Variants in CELF2 observed in about 807,000 individuals in gnomAD.
CELF2 encodes CUG triplet repeat RNA-binding protein 2.
In CELF2, 8 loss-of-function variants were observed where a neutral mutation model predicts 62.6. The ratio of observed to expected loss-of-function variants is 0.13; its 90% CI spans 0.07 to 0.23. CELF2 has a LOEUF of 0.23. Among genes scored for constraint, CELF2 ranks in the 10% least tolerant of loss-of-function variants. The pLI is 1.00. For missense variants in CELF2, 333 were observed against 671.0 expected (o/e 0.50, Z 5.56); for synonymous variants, 258 against 250.0 (o/e 1.03, Z -0.30).
rs1028776849 is a variant in CELF2 at position 11,285,356 on chromosome 10, C to A, written c.842-3062C>A. 6.6e-6 allele frequency among the ~76,000 whole-genome samples: 1 copy of A among 152,104 alleles called. No individual in the cohort carries two copies. The highest frequency in any genetic ancestry group is 2.1e-4 in the South Asian group (1 of 4,824). ...TGTTGAGCAGTGTTAGCTATGCCCCCGTGTGGTGCCTCAGAGACTCAGCCA... is the reference window on the plus strand; with the variant it reads ...TGTTGAGCAGTGTTAGCTATGCCCCAGTGTGGTGCCTCAGAGACTCAGCCA... On this transcript the variant is annotated intron_variant, in intron 8 of 12. Transcript: ENST00000633077. This position sits in a 1 kb window ranked among gnomAD's most constrained non-coding sequence, Gnocchi z 4.3.
chr10:10,496,300 T>G, the CELF2 span, among the ~76,000 whole-genome samples: 1 of 152,220 alleles, frequency 6.6e-6, no homozygotes, highest in Non-Finnish European at 1.5e-5. Flanking sequence ...CTTTTAGATA[T>G]CTCTCACATT....
chr10:10,876,557 C>T (rs369781061), intron 1 of CELF2, among the ~76,000 whole-genome samples: 1 of 152,230 alleles, frequency 6.6e-6, no homozygotes, highest in Non-Finnish European at 1.5e-5. Context: ...CAAACAGTGC[C>T]GCGTTTTAGG....
chr10:10,464,279 T>C, the CELF2 span, among the ~76,000 whole-genome samples: 1 of 152,178 alleles, frequency 6.6e-6, no homozygotes, highest in Non-Finnish European at 1.5e-5. Context: ...TATCCACCGG[T>C]AACTGTCTAT....
At chr10:11,212,443 G>A (rs547271923) in intron 2 of CELF2, among the ~76,000 whole-genome samples, 72 of 152,352 alleles carry the variant, frequency 4.7e-4, no homozygotes, top group African/African-American at 1.7e-3. Context: ...GATGTTGACA[G>A]TGAACAGCAG....
At chr10:10,709,600 A>C in the CELF2 span, among the ~76,000 whole-genome samples, 7 of 152,150 alleles carry the variant, frequency 4.6e-5, no homozygotes, top group African/African-American at 1.7e-4. Flanking sequence ...TGAGACACAG[A>C]ATTTTTCAAA....
In CELF2 at chr10:11,306,148, C is replaced by T. The variant is rs2094192251; in HGVS notation, c.977-7991C>T. 6.6e-6 allele frequency among the ~76,000 whole-genome samples: 1 copy of T among 152,104 alleles called. No homozygotes were observed. Among genetic ancestry groups the T allele is most frequent in the Non-Finnish European group, 1.5e-5 (1 of 68,028 alleles). ...TGCGAGCAAGGTGAGGTGCACTTTG[C>T]AGCCTCCGTCTGGGATCCTCTTGGC... is the stretch of plus-strand genomic sequence containing the variant. On this transcript the variant is annotated intron_variant, in intron 9 of 12. Coordinates refer to ENST00000633077, the MANE Select transcript of CELF2 (RefSeq NM_001326342.2). The surrounding 1 kb of genome is among the most constrained non-coding windows in gnomAD (Gnocchi z 4.4).
chr10:10,797,396 A>G (rs915841629), upstream of CELF2, among the ~76,000 whole-genome samples: 11 of 143,046 alleles, frequency 7.7e-5, no homozygotes, highest in Non-Finnish European at 1.7e-4. Flanking sequence ...AACAAAGAGA[A>G]AAAAAAAAAA....
upstream of CELF2, among the ~76,000 whole-genome samples, chr10:11,003,160 A>G (rs2054689799): frequency 6.6e-6 from 1 of 152,176 alleles, no homozygotes; most frequent in South Asian, 2.1e-4. The surrounding 1 kb of genome is among the most constrained non-coding windows in gnomAD (Gnocchi z 4.4). Flanking sequence ...ACTAAACTCT[A>G]CCTCAATAGC....
chr10:10,850,941 G>A (rs1482408367), intron 1 of CELF2, among the ~76,000 whole-genome samples: 1 of 152,080 alleles, frequency 6.6e-6, no homozygotes, highest in Admixed American at 6.5e-5. Flanking sequence ...GAGTAGCTGG[G>A]ATTATAGGCG....
chr10:10,985,121 G>C (rs2052584148), intron 2 of CELF2, among the ~76,000 whole-genome samples: 4 of 152,150 alleles, frequency 2.6e-5, no homozygotes, highest in Admixed American at 2.6e-4. Context: ...CATCTACGAA[G>C]ATGTTTAAAC....
chr10:11,228,809 G>C (rs1257031998), intron 3 of CELF2, among the ~76,000 whole-genome samples: 1 of 150,362 alleles, frequency 6.7e-6, no homozygotes, highest in Non-Finnish European at 1.5e-5. Flanking sequence ...TCACTCCTAA[G>C]GCAGAGTTAC....
At chr10:10,882,896 A>G (rs938419905) in intron 1 of CELF2, among the ~76,000 whole-genome samples, 2 of 152,152 alleles carry the variant, frequency 1.3e-5, no homozygotes, top group African/African-American at 4.8e-5. Flanking sequence ...CTTCTGTTAT[A>G]ATAATATGAT....
At chr10:10,987,311 T>C (rs1290610485) in intron 2 of CELF2, among the ~76,000 whole-genome samples, 1 of 152,118 alleles carries the variant, frequency 6.6e-6, no homozygotes, top group Non-Finnish European at 1.5e-5. Context: ...TCGGAACAGT[T>C]TTTTTCCTAA....
chr10:11,164,337 A>G (rs1349381410), intron 1 of CELF2, among the ~76,000 whole-genome samples: 1 of 152,222 alleles, frequency 6.6e-6, no homozygotes, highest in Non-Finnish European at 1.5e-5. Context: ...GGGCAAGTGA[A>G]AAAGACATGT....
In CELF2 at chr10:11,177,980, G is replaced by C. The variant is rs1423030165; in HGVS notation, c.271+12298G>C. On this transcript the variant is annotated intron_variant, in intron 2 of 12. Coordinates refer to ENST00000633077, the MANE Select transcript of CELF2 (RefSeq NM_001326342.2). The surrounding 1 kb of genome is among the most constrained non-coding windows in gnomAD (Gnocchi z 4.8). ...GCTCAGTAAGCCGCAGCCTAGATTG[G>C]AACAGCGTGACTGCCTGGTAGGATA... is the stretch of plus-strand genomic sequence containing the variant. 6.6e-6 allele frequency among the ~76,000 whole-genome samples: 1 copy of C among 152,188 alleles called. No homozygotes were observed. Among genetic ancestry groups the C allele is most frequent in the Admixed American group, 6.5e-5 (1 of 15,282 alleles).
chr10:10,834,103 A>G (rs544533021), intron 1 of CELF2, among the ~76,000 whole-genome samples: 73 of 152,362 alleles, frequency 4.8e-4, no homozygotes, highest in African/African-American at 1.7e-3. Flanking sequence ...AAAATATGGT[A>G]CATATACATC....
chr10:10,619,054 C>T, the CELF2 span, among the ~76,000 whole-genome samples: 2 of 152,212 alleles, frequency 1.3e-5, no homozygotes, highest in South Asian at 2.1e-4. Flanking sequence ...GCACACGTGG[C>T]AACAAAGAAG....
At chr10:10,467,412 T>C in the CELF2 span, among the ~76,000 whole-genome samples, 10 of 152,062 alleles carry the variant, frequency 6.6e-5, no homozygotes, top group Non-Finnish European at 1.3e-4. Context: ...TGTTTGTCAT[T>C]TTCTGGGATC....
At chr10:10,540,217 T>C in the CELF2 span, among the ~76,000 whole-genome samples, 53 of 152,332 alleles carry the variant, frequency 3.5e-4, no homozygotes, top group South Asian at 1.2e-3. Flanking sequence ...TTGCAAAGTC[T>C]GGAAAGATGC....
Sources: allele counts gnomAD v4.1 joint callset (sites outside exome capture counted in the v4.1 genomes callset), GRCh38; gene constraint gnomAD v4.1.1; non-coding constraint Gnocchi (gnomAD v3.1); transcripts MANE v1.5; gene names NCBI Gene and HGNC (gene_info 2026-07-23, HGNC 2026-07-21).